ZNF177: variants seen among roughly 807,000 people sequenced by gnomAD.
ZNF177 encodes the protein zinc finger protein 177.
ZNF177 carries 17 observed loss-of-function variants against 19.4 expected under a neutral mutation model. The observed-to-expected ratio is 0.87, with a 90% CI of 0.60 to 1.31. The LOEUF is 1.31. Among genes scored for constraint, ZNF177 ranks in the 40% most tolerant of loss-of-function variants. The pLI is 0.00. For missense variants in ZNF177, 633 were observed against 561.8 expected (o/e 1.13, Z -1.28); for synonymous variants, 220 against 188.7 (o/e 1.17, Z -1.36).
In ZNF177 at chr19:9,376,707, A is replaced by G. The variant is rs530504184; in HGVS notation, c.-54+284A>G. 4.6e-5 allele frequency among the ~76,000 whole-genome samples: 7 copies of G among 152,286 alleles called. No individual in the cohort carries two copies. The South Asian group carries it at 1.2e-3, about 27-fold the overall frequency. Reference sequence around the variant, plus strand: ...CCATTTCCCACATTTTATGTTTTTGATGTCACAATTTACATCTTTCTATAT... The same window carrying G: ...CCATTTCCCACATTTTATGTTTTTGGTGTCACAATTTACATCTTTCTATAT... On this transcript the variant is annotated intron_variant, in intron 1 of 5. Coordinates refer to ENST00000589262, the Ensembl canonical transcript of ZNF177.
upstream of ZNF177, among the ~76,000 whole-genome samples, chr19:9,376,077 C>G (rs1055891750): frequency 5.3e-5 from 8 of 152,054 alleles, no homozygotes; most frequent in Admixed American, 2.0e-4. Context: ...CAGCATATAC[C>G]TTAGGTCTTT....
At chr19:9,378,681 GAA>G (rs1166807868) in intron 2 of ZNF177, 53 of 537,906 alleles carry the variant, frequency 9.9e-5, no homozygotes, top group Non-Finnish European at 1.5e-4. Context: ...TGAATAAGAC[GAA>G]AAGAGTCCTC....
chr19:9,379,142 C>T (rs1310203343), intron 3 of ZNF177, 54 bp downstream of exon 5: 4 of 1,538,392 alleles, frequency 2.6e-6, no homozygotes, highest in Non-Finnish European at 3.5e-6. Context: ...TTCTTAAGCA[C>T]ATATTATGTT....
chr19:9,379,278 G>C (rs892306153), intron 3 of ZNF177, 190 bp downstream of exon 5: 13 of 1,160,778 alleles, frequency 1.1e-5, no homozygotes, highest in East Asian at 5.2e-5. Context: ...ATCACTAATA[G>C]CTTAAGGTAA....
chr19:9,378,255 C>G lies in ZNF177; in HGVS notation c.-53-4C>G. ...ACTCTAATGGCTTCTGTGTTCTCCTCTAGCTCTGCCTGCTTAGGACTCTGC... is the reference window on the plus strand; with the variant it reads ...ACTCTAATGGCTTCTGTGTTCTCCTGTAGCTCTGCCTGCTTAGGACTCTGC... On this transcript the variant is annotated splice_polypyrimidine_tract_variant and splice_region_variant and intron_variant, in intron 1 of 5. Transcript: ENST00000589262. 1 of 1,609,668 alleles carries G rather than the reference C, an allele frequency of 6.2e-7. No individual in the cohort carries two copies. Among genetic ancestry groups the G allele is most frequent in the Non-Finnish European group, 8.5e-7 (1 of 1,178,076 alleles).
At chr19:9,382,106 T>G (rs1046049837) in exon 6 of ZNF177, 9 of 397,884 alleles carry the variant, frequency 2.3e-5, no homozygotes, top group African/African-American at 1.4e-4. Flanking sequence ...CTGACTGATG[T>G]ACTGTGGCAG....
upstream of ZNF177, among the ~76,000 whole-genome samples, chr19:9,375,571 T>C (rs2068098478): frequency 6.6e-6 from 1 of 152,174 alleles, no homozygotes; most frequent in Admixed American, 6.5e-5. Context: ...TATATATTTC[T>C]AGGAATTTAT....
upstream of ZNF177, among the ~76,000 whole-genome samples, chr19:9,375,107 T>C (rs1436579573): frequency 6.6e-6 from 1 of 152,174 alleles, no homozygotes; most frequent in Admixed American, 6.5e-5. Context: ...TGATATAGTT[T>C]TTATCCTTCA....
chr19:9,380,836 A>G, exon 6 of ZNF177: 1 of 1,536,154 alleles, frequency 6.5e-7, no homozygotes, highest in South Asian at 1.2e-5. Context: ...TCATGTGAGC[A>G]TTCACATTGG....
upstream of ZNF177, among the ~76,000 whole-genome samples, chr19:9,372,360 A>G (rs903259746): frequency 2.6e-5 from 4 of 152,038 alleles, no homozygotes; most frequent in Non-Finnish European, 5.9e-5. Context: ...ACGCTTTCAT[A>G]TGGAAATTTT....
At chr19:9,367,544 A>G (rs943737154) in intron 2 of ZNF177, among the ~76,000 whole-genome samples, 8 of 152,272 alleles carry the variant, frequency 5.3e-5, no homozygotes, top group South Asian at 2.1e-4. Context: ...CTGTTGTACT[A>G]TATTTCCTAT....
intron 2 of ZNF177, among the ~76,000 whole-genome samples, chr19:9,365,899 G>A (rs187440003): frequency 1.1e-4 from 16 of 152,294 alleles, no homozygotes; most frequent in Admixed American, 7.2e-4. Flanking sequence ...TCCTTGGCTG[G>A]TCGGTCTGAG....
At chr19:9,374,832 G>C (rs956397632), upstream of ZNF177, among the ~76,000 whole-genome samples, 2 of 151,846 alleles carry the variant, frequency 1.3e-5, no homozygotes, top group African/African-American at 4.8e-5. Context: ...CAACGTAGAC[G>C]CCTTTTGTTT....
At chr19:9,368,833 T>G (rs530496607) in intron 2 of ZNF177, among the ~76,000 whole-genome samples, 1 of 152,282 alleles carries the variant, frequency 6.6e-6, no homozygotes, top group South Asian at 2.1e-4. Flanking sequence ...ACCACTAATA[T>G]TCAACCATAT....
chr19:9,378,030 C>G (rs539962919), intron 1 of ZNF177, among the ~76,000 whole-genome samples: 1 of 152,240 alleles, frequency 6.6e-6, no homozygotes, highest in African/African-American at 2.4e-5. Context: ...GAGCTGTTAG[C>G]AGTCATAAGC....
chr19:9,366,310 TTC>T (rs996240905), intron 2 of ZNF177, among the ~76,000 whole-genome samples: 2 of 151,972 alleles, frequency 1.3e-5, no homozygotes, highest in African/African-American at 4.8e-5. Flanking sequence ...GACAAGGTCT[TTC>T]TCTGTCACCC....
chr19:9,381,487 C>T, exon 6 of ZNF177: 2 of 1,611,818 alleles, frequency 1.2e-6, no homozygotes, highest in Non-Finnish European at 1.7e-6. Context: ...CCTTAAGAAA[C>T]ACACACGCTC....
chr19:9,382,515 C>T (rs1365518441), downstream of ZNF177: 1 of 398,036 alleles, frequency 2.5e-6, no homozygotes, highest in Non-Finnish European at 4.4e-6. Context: ...GAAAAATTAA[C>T]TGCCATGTGG....
At chr19:9,382,528 TA>T, downstream of ZNF177, 1 of 397,400 alleles carries the variant, frequency 2.5e-6, no homozygotes, top group Non-Finnish European at 4.4e-6. Context: ...CCATGTGGTT[TA>T]AACCACTCTT....
Sources: allele counts gnomAD v4.1 joint callset (sites outside exome capture counted in the v4.1 genomes callset), GRCh38; gene constraint gnomAD v4.1.1; transcripts MANE v1.5; gene names NCBI Gene and HGNC (gene_info 2026-07-23, HGNC 2026-07-21).